The following LRP1 variants were observed in gnomAD, a reference collection of about 807,000 sequenced individuals.
The protein encoded by LRP1 is prolow-density lipoprotein receptor-related protein 1.
In LRP1, 51 loss-of-function variants were observed where a neutral mutation model predicts 541.5. The ratio of observed to expected loss-of-function variants is 0.09; its 90% CI spans 0.08 to 0.12. The LOEUF (loss-of-function observed/expected upper bound fraction) is 0.12, where lower values mean the gene tolerates loss of function less well. LRP1 is among the 10% of genes least tolerant of loss of function. The probability of loss-of-function intolerance (pLI) is 1.00; values close to 1 mark genes in which losing one functional copy is unlikely to be tolerated. For missense variants in LRP1, 3,878 were observed against 6,376.2 expected (o/e 0.61, Z 13.34); for synonymous variants, 2,219 against 2,470.8 (o/e 0.90, Z 3.02).
chr12:57,132,225 T>C (rs922513895), intron 1 of LRP1: 4 of 152,312 alleles, frequency 2.6e-5, no homozygotes, highest in African/African-American at 9.7e-5. Context: ...TTGGAGTGTT[T>C]CCGGTGCAAT....
At position 57,211,372 on chromosome 12, in the gene LRP1, A is replaced by G. The variant is rs1327127112; in HGVS notation, c.13091+22A>G. The G allele has an allele frequency of 1.9e-6, 3 of 1,612,328 alleles. No individual in the cohort carries two copies. Among genetic ancestry groups the G allele is most frequent in the South Asian group, 1.1e-5 (1 of 91,072 alleles). ...GCAAGTGAGTGGGGCCCTCCTCCAC[A>G]GTTCCACCCAGCTGGGCCCCTGCCC... On this transcript the variant is annotated intron_variant, in intron 84 of 88. Transcript: ENST00000243077. The surrounding 1 kb of genome is among the most constrained non-coding windows in gnomAD (Gnocchi z 4.3).
chr12:57,144,887 GA>G, intron 4 of LRP1, 84 bp from the exon 5 acceptor site: 1 of 1,346,384 alleles, frequency 7.4e-7, no homozygotes. Context: ...TGTAAGGATG[GA>G]CATGTTGATC....
At position 57,211,312 on chromosome 12, in the gene LRP1, C is replaced by T; in HGVS notation, c.13053C>T (p.Ala4351=). The part of the protein sequence containing the change: ...VNKCSRCLEG[A]CVVNKQSGDV... ...AGTGCAGCCGCTGTCTCGAAGGGGC[C>T]TGTGTGGTCAACAAGCAGAGTGGGG... The change falls in exon 84 of 89, where the codon GCC becomes GCT. Residue 4351 remains alanine, a synonymous_variant. Coordinates refer to ENST00000243077, the MANE Select transcript of LRP1 (RefSeq NM_002332.3). The surrounding 1 kb of genome is among the most constrained non-coding windows in gnomAD (Gnocchi z 4.3). 2 of 1,614,184 alleles carry T rather than the reference C, an allele frequency of 1.2e-6. No homozygotes were observed. The highest frequency in any genetic ancestry group is 2.2e-5 in the East Asian group (1 of 44,892).
In LRP1 at chr12:57,158,459, G is replaced by A; in HGVS notation, c.1619G>A (p.Gly540Asp). The change falls in exon 11 of 89, where the codon GGC (glycine) becomes GAC (aspartate). Residue 540 changes from glycine (G) to aspartate (D), a missense_variant. Coordinates refer to ENST00000243077, the MANE Select transcript of LRP1 (RefSeq NM_002332.3). The surrounding 1 kb of genome is among the most constrained non-coding windows in gnomAD (Gnocchi z 5.3). The part of the protein sequence containing the change: ...YGKGRPGIIR[G>D]MDMGAKVPDE... ...AAGGGCCGGCCAGGCATCATCCGGG[G>A]CATGGATATGGGGGCCAAGGTCCCG... is the stretch of plus-strand genomic sequence containing the variant. The A allele has an allele frequency of 6.2e-7, 1 of 1,614,134 alleles. No individual in the cohort carries two copies. Among genetic ancestry groups the A allele is most frequent in the Non-Finnish European group, 8.5e-7 (1 of 1,179,974 alleles).
intron 34 of LRP1, among the ~76,000 whole-genome samples, chr12:57,181,666 G>A (rs1338569380): frequency 7.9e-5 from 12 of 152,150 alleles, no homozygotes; most frequent in Admixed American, 6.5e-4. Context: ...GAGCTAGGCG[G>A]GGCTCCTGTG....
rs1326131191 is a variant in LRP1, at chr12:57,158,646, C to T, written c.1798+8C>T. 6.2e-7 allele frequency: 1 copy of T among 1,612,550 alleles called. No homozygotes were observed. The highest frequency in any genetic ancestry group is 1.7e-5 in the Admixed American group (1 of 60,010). ...AGACCATCCTGAAGGACGGTATGGG[C>T]TCCTAGGGATGTGGCCCATGGGGAT... On this transcript the variant is annotated splice_region_variant and intron_variant, in intron 11 of 88. Transcript: ENST00000243077. The surrounding 1 kb of genome is among the most constrained non-coding windows in gnomAD (Gnocchi z 5.3).
Position 57,206,752 on chromosome 12 carries a change from A to C in LRP1, c.11859+11A>C, listed in dbSNP as rs2036788463. 5 of 1,609,136 alleles carry C rather than the reference A, an allele frequency of 3.1e-6. No homozygotes were observed. Among genetic ancestry groups the C allele is most frequent in the Non-Finnish European group, 4.2e-6 (5 of 1,179,524 alleles). Reference sequence around the variant, plus strand: ...GTCACCCACCTCAACGTGAGTGCCCAACCTGGCGTGGATGGAGTGGAAGAG... The same window carrying C: ...GTCACCCACCTCAACGTGAGTGCCCCACCTGGCGTGGATGGAGTGGAAGAG... On this transcript the variant is annotated intron_variant, in intron 76 of 88. Coordinates refer to ENST00000243077, the MANE Select transcript of LRP1 (RefSeq NM_002332.3). This position sits in a 1 kb window ranked among gnomAD's most constrained non-coding sequence, Gnocchi z 4.7.
rs1365371997 is a variant in LRP1, at chr12:57,180,011, G to C, written c.5142-36G>C. ...TGGGGTGTGGGGCTGGGAAGAAGAG[G>C]ACCCTGACCTTTCCCTCTTGGCACC... is the stretch of plus-strand genomic sequence containing the variant. On this transcript the variant is annotated intron_variant, in intron 30 of 88. Transcript: ENST00000243077. 24 of 1,613,552 alleles carry C rather than the reference G, an allele frequency of 1.5e-5. No individual in the cohort carries two copies. In the South Asian group the frequency reaches 2.6e-4, roughly 18 times the overall value.
intron 33 of LRP1, 94 bp downstream of exon 33, chr12:57,180,901 G>A (rs1331202075): frequency 6.5e-6 from 10 of 1,541,324 alleles, no homozygotes; most frequent in South Asian, 1.1e-5. Context: ...AAGGGAGTAA[G>A]TGGGTTAGGC....
chr12:57,172,992 T>G (rs1170725297), intron 20 of LRP1, among the ~76,000 whole-genome samples, 176 bp from the exon 21 acceptor site: 3 of 152,228 alleles, frequency 2.0e-5, no homozygotes, highest in African/African-American at 7.2e-5. Context: ...TGATGCCTCC[T>G]GACTCTACTA....
chr12:57,166,577 G>A (rs1441696993), intron 17 of LRP1, among the ~76,000 whole-genome samples: 1 of 152,062 alleles, frequency 6.6e-6, no homozygotes, highest in Non-Finnish European at 1.5e-5. Flanking sequence ...AAAATGAAAG[G>A]AGCAAAAGAA....
Position 57,177,819 on chromosome 12 carries a change from C to T in LRP1, c.4361+228C>T, listed in dbSNP as rs1294986902. Among the ~76,000 whole-genome samples, 2 of 152,102 alleles carry T rather than the reference C, an allele frequency of 1.3e-5. No homozygotes were observed. Among genetic ancestry groups the T allele is most frequent in the Non-Finnish European group, 2.9e-5 (2 of 68,008 alleles). On this transcript the variant is annotated intron_variant, in intron 26 of 88. Transcript: ENST00000243077. This position sits in a 1 kb window ranked among gnomAD's most constrained non-coding sequence, Gnocchi z 6.8. ...AGCAGGGCCATCAGCTGTGGTTATT[C>T]ACACTGTACCATCCTCTCCACTCAC...
In LRP1 at chr12:57,193,060, C is replaced by T; in HGVS notation, c.7555+90C>T. On this transcript the variant is annotated intron_variant, in intron 45 of 88. Transcript: ENST00000243077. Reference sequence around the variant, plus strand: ...TCCCCTACATGCTCCAGCCCAGCCCCCCAAAGCCTTTTGCCAAGAAGACGC... The same window carrying T: ...TCCCCTACATGCTCCAGCCCAGCCCTCCAAAGCCTTTTGCCAAGAAGACGC... 4 of 1,586,828 alleles carry T rather than the reference C, an allele frequency of 2.5e-6. No individual in the cohort carries two copies. In the Admixed American group the frequency reaches 6.8e-5, roughly 27 times the overall value.
At chr12:57,129,427 A>G (rs1274875595) in intron 1 of LRP1, among the ~76,000 whole-genome samples, 2 of 149,916 alleles carry the variant, frequency 1.3e-5, no homozygotes, top group South Asian at 4.2e-4. Context: ...TCGGCTGCAA[A>G]AGGGGGTGGG....
At chr12:57,203,580 GC>G in intron 70 of LRP1, 59 bp downstream of exon 70, 1 of 1,444,738 alleles carries the variant, frequency 6.9e-7, no homozygotes, top group Non-Finnish European at 9.1e-7. Context: ...CCGCCACATG[GC>G]CCAGTCATTC....
rs370163019 is a variant in LRP1 at position 57,185,023 on chromosome 12, T to A, written c.6338+33T>A. 4 of 1,613,732 alleles carry A rather than the reference T, an allele frequency of 2.5e-6. No homozygotes were observed. Among genetic ancestry groups the A allele is most frequent in the African/African-American group, 2.7e-5 (2 of 74,914 alleles). On this transcript the variant is annotated intron_variant, in intron 39 of 88. Coordinates refer to ENST00000243077, the MANE Select transcript of LRP1 (RefSeq NM_002332.3). The surrounding 1 kb of genome is among the most constrained non-coding windows in gnomAD (Gnocchi z 4.9). ...CTTCTGTCCTGGCCTCCTCAGCTGATCTCTTCCTTCCCTCCTGCCTCCACT... is the reference window on the plus strand; with the variant it reads ...CTTCTGTCCTGGCCTCCTCAGCTGAACTCTTCCTTCCCTCCTGCCTCCACT...
At position 57,184,070 on chromosome 12, in the gene LRP1, C is replaced by T; in HGVS notation, c.5930-15C>T. 6.2e-7 allele frequency: 1 copy of T among 1,611,498 alleles called. No individual in the cohort carries two copies. Among genetic ancestry groups the T allele is most frequent in the African/African-American group, 1.3e-5 (1 of 75,004 alleles). The stretch of plus-strand genomic sequence containing the variant: ...CTCACCTAACCTCCCTGAGCCCCAC[C>T]AACTCCCTCCTTAGGCAACATCTAC... On this transcript the variant is annotated splice_polypyrimidine_tract_variant and intron_variant, in intron 36 of 88. Coordinates refer to ENST00000243077, the MANE Select transcript of LRP1 (RefSeq NM_002332.3). This position sits in a 1 kb window ranked among gnomAD's most constrained non-coding sequence, Gnocchi z 7.8.
rs529570755 is a variant in LRP1, at chr12:57,202,000, C to T, written c.10594+95C>T. ...GGAGGGCTGGGGGCCGCCTGCTTACCGGTCTCAGCGTGGCCCTGCTGCTGG... is the reference window on the plus strand; with the variant it reads ...GGAGGGCTGGGGGCCGCCTGCTTACTGGTCTCAGCGTGGCCCTGCTGCTGG... On this transcript the variant is annotated intron_variant, in intron 67 of 88. Coordinates refer to ENST00000243077, the MANE Select transcript of LRP1 (RefSeq NM_002332.3). This position sits in a 1 kb window ranked among gnomAD's most constrained non-coding sequence, Gnocchi z 6.4. 25 of 1,526,620 alleles carry T rather than the reference C, an allele frequency of 1.6e-5. No homozygotes were observed. Among genetic ancestry groups the T allele is most frequent in the East Asian group, 9.1e-5 (4 of 44,116 alleles). 94.6% of individuals were successfully genotyped at this position (1,526,620 alleles called of 1,614,324 possible). A position where few individuals can be genotyped will look rare whatever the true frequency, so the allele number is the denominator to read the frequency against.
chr12:57,198,700 C>T, intron 60 of LRP1, 30 bp downstream of exon 60: 1 of 1,576,066 alleles, frequency 6.3e-7, no homozygotes, highest in Non-Finnish European at 8.6e-7. Context: ...TGTCCAGGCA[C>T]AGCAGACTCA....
Sources: allele counts gnomAD v4.1 joint callset (sites outside exome capture counted in the v4.1 genomes callset), GRCh38; gene constraint gnomAD v4.1.1; non-coding constraint Gnocchi (gnomAD v3.1); transcripts MANE v1.5; gene names NCBI Gene and HGNC (gene_info 2026-07-23, HGNC 2026-07-21).